STARD13: variants seen among roughly 807,000 people sequenced by gnomAD.
The protein encoded by STARD13 is StAR related lipid transfer domain containing 13, also known as stAR-related lipid transfer protein 13.
Under a neutral mutation model 106.4 loss-of-function variants are expected in STARD13, and 62 were observed. The ratio of observed to expected loss-of-function variants is 0.58; its 90% CI spans 0.48 to 0.72. The LOEUF is 0.72. Ranked by LOEUF, STARD13 falls within the 30% of genes least tolerant of loss-of-function variation. The pLI is 0.00. For missense variants in STARD13, 1,387 were observed against 1,424.0 expected (o/e 0.97, Z 0.42); for synonymous variants, 565 against 553.0 (o/e 1.02, Z -0.31).
the STARD13 span, among the ~76,000 whole-genome samples, chr13:33,613,536 A>G: frequency 6.6e-6 from 1 of 152,238 alleles, no homozygotes; most frequent in African/African-American, 2.4e-5. Flanking sequence ...GGAAGGGCGA[A>G]TGGCAGCAGG....
At chr13:33,331,940 A>G (rs1273828246) in intron 1 of STARD13, among the ~76,000 whole-genome samples, 3 of 152,180 alleles carry the variant, frequency 2.0e-5, no homozygotes, top group Non-Finnish European at 4.4e-5. Flanking sequence ...TAATTGAGAC[A>G]TTAACTAAAT....
intron 1 of STARD13, among the ~76,000 whole-genome samples, chr13:33,182,276 C>T (rs1268713499): frequency 6.6e-6 from 1 of 152,210 alleles, no homozygotes; most frequent in Non-Finnish European, 1.5e-5. Flanking sequence ...CTAGATAACA[C>T]TCAGCTGTAT....
chr13:33,377,711 C>A, the STARD13 span, among the ~76,000 whole-genome samples: 1 of 151,182 alleles, frequency 6.6e-6, no homozygotes, highest in Non-Finnish European at 1.5e-5. Flanking sequence ...ATATAATATT[C>A]CTGGATAATC....
intron 13 of STARD13, among the ~76,000 whole-genome samples, chr13:33,106,504 G>C (rs1873725672): frequency 6.6e-6 from 1 of 152,334 alleles, no homozygotes; most frequent in Admixed American, 6.5e-5. Context: ...TGTTTCATGG[G>C]AGAAAGACAG....
At chr13:33,172,634 T>C (rs921557185) in intron 1 of STARD13, among the ~76,000 whole-genome samples, 1 of 152,218 alleles carries the variant, frequency 6.6e-6, no homozygotes, top group Non-Finnish European at 1.5e-5. Context: ...CAGTGTGTTC[T>C]CTTGGCTAAG....
the STARD13 span, among the ~76,000 whole-genome samples, chr13:33,401,215 T>A: frequency 1.3e-5 from 2 of 152,288 alleles, no homozygotes; most frequent in African/African-American, 2.4e-5. Flanking sequence ...ATTTGTTTAG[T>A]TTTGAATTAT....
the STARD13 span, among the ~76,000 whole-genome samples, chr13:33,503,559 G>C: frequency 3.9e-5 from 6 of 152,082 alleles, no homozygotes; most frequent in African/African-American, 1.4e-4. Context: ...TTAAATATGT[G>C]CCAGAGATTC....
chr13:33,182,684 C>T (rs1314838222), intron 1 of STARD13, among the ~76,000 whole-genome samples: 2 of 152,258 alleles, frequency 1.3e-5, no homozygotes, highest in Non-Finnish European at 1.5e-5. Context: ...GGGCTGCATG[C>T]GGCCTGGGGC....
intron 1 of STARD13, among the ~76,000 whole-genome samples, chr13:33,339,145 A>ACTAT (rs2077931292): frequency 6.6e-6 from 1 of 152,232 alleles, no homozygotes; most frequent in Admixed American, 6.5e-5. Flanking sequence ...TAAGGTAAGT[A>ACTAT]CTATGCTTAT....
intron 11 of STARD13, 115 bp downstream of exon 11, chr13:33,110,571 G>C (rs1874385253): frequency 2.4e-6 from 2 of 837,318 alleles, no homozygotes; most frequent in African/African-American, 3.3e-5. Flanking sequence ...TGCCTTAACT[G>C]TCCGCGTGTG....
chr13:33,244,222 A>G (rs1321817922), intron 1 of STARD13, among the ~76,000 whole-genome samples: 1 of 151,838 alleles, frequency 6.6e-6, no homozygotes, highest in African/African-American at 2.4e-5. Flanking sequence ...GAAGGAGGAG[A>G]GTTAGTAAGT....
At chr13:33,330,152 T>G (rs2077820774) in intron 1 of STARD13, among the ~76,000 whole-genome samples, 1 of 152,228 alleles carries the variant, frequency 6.6e-6, no homozygotes, top group Admixed American at 6.5e-5. Flanking sequence ...CCATTCTGAA[T>G]TTTGGGGGAA....
the STARD13 span, among the ~76,000 whole-genome samples, chr13:33,390,312 C>G: frequency 6.6e-6 from 1 of 152,078 alleles, no homozygotes; most frequent in Non-Finnish European, 1.5e-5. Context: ...TGTTGCTTTG[C>G]CCAAGAGTGA....
chr13:33,259,158 G>A (rs910996289), intron 1 of STARD13, among the ~76,000 whole-genome samples: 3 of 152,178 alleles, frequency 2.0e-5, no homozygotes, highest in Non-Finnish European at 4.4e-5. Flanking sequence ...CCTGGAGGGT[G>A]GGGCCCACAT....
the STARD13 span, among the ~76,000 whole-genome samples, chr13:33,592,491 G>A: frequency 6.6e-6 from 1 of 152,072 alleles, no homozygotes; most frequent in Non-Finnish European, 1.5e-5. Flanking sequence ...CCCTTGCCAG[G>A]GGTCAACTGT....
the STARD13 span, among the ~76,000 whole-genome samples, chr13:33,448,123 A>G: frequency 6.6e-6 from 1 of 152,150 alleles, no homozygotes; most frequent in East Asian, 1.9e-4. Flanking sequence ...ATATGTGTTC[A>G]TTGTGTTATG....
chr13:33,457,160 GGAA>G, the STARD13 span, among the ~76,000 whole-genome samples: 1 of 152,228 alleles, frequency 6.6e-6, no homozygotes, highest in African/African-American at 2.4e-5. Context: ...GGATAGATAT[GGAA>G]GAAGAAAATC....
chr13:33,128,597 C>T (rs183112800), intron 5 of STARD13, among the ~76,000 whole-genome samples: 13 of 152,270 alleles, frequency 8.5e-5, no homozygotes, highest in Non-Finnish European at 1.8e-4. Flanking sequence ...GGGGAAGAGT[C>T]GGTGCCTAGG....
chr13:33,121,669 CT>C (rs398022242), intron 7 of STARD13, among the ~76,000 whole-genome samples: 45,803 of 109,500 alleles, frequency 0.42, 8,693 homozygotes, highest in African/African-American at 0.56. Context: ...GTTGTTCATC[CT>C]TTTTTTTTTT....
Sources: allele counts gnomAD v4.1 joint callset (sites outside exome capture counted in the v4.1 genomes callset), GRCh38; gene constraint gnomAD v4.1.1; transcripts MANE v1.5; gene names NCBI Gene and HGNC (gene_info 2026-07-23, HGNC 2026-07-21).